Variants in ZMAT4 observed in about 807,000 individuals in gnomAD.
ZMAT4 encodes the protein zinc finger matrin-type protein 4.
In ZMAT4, 17 loss-of-function variants were observed where a neutral mutation model predicts 28.7. The ratio of observed to expected loss-of-function variants is 0.59; its 90% confidence interval spans 0.41 to 0.89. ZMAT4 has a LOEUF of 0.89. Ranked by LOEUF, ZMAT4 falls within the 40% of genes least tolerant of loss-of-function variation. ZMAT4 has a pLI of 0.00. For missense variants in ZMAT4, 240 were observed against 283.8 expected (o/e 0.85, Z 1.11); for synonymous variants, 117 against 109.2 (o/e 1.07, Z -0.44).
At chr8:40,779,776 C>T (rs755508610) in intron 2 of ZMAT4, among the ~76,000 whole-genome samples, 4 of 152,144 alleles carry the variant, frequency 2.6e-5, no homozygotes, top group Non-Finnish European at 4.4e-5. Context: ...GGCTGCCAAG[C>T]CCAGATTGGC....
intron 5 of ZMAT4, among the ~76,000 whole-genome samples, chr8:40,610,949 T>TG (rs1397635543): frequency 6.9e-6 from 1 of 144,094 alleles, no homozygotes; most frequent in African/African-American, 2.7e-5. Flanking sequence ...TTTTTTTTTT[T>TG]TGGTTTGTCT....
intron 5 of ZMAT4, among the ~76,000 whole-genome samples, chr8:40,598,890 C>T (rs902793682): frequency 1.1e-4 from 16 of 152,218 alleles, no homozygotes; most frequent in Middle Eastern, 3.4e-3. Context: ...TCAGCCAGTA[C>T]GAATGTCTGC....
At chr8:40,590,897 T>C (rs370371260) in intron 5 of ZMAT4, among the ~76,000 whole-genome samples, 1 of 152,302 alleles carries the variant, frequency 6.6e-6, no homozygotes, top group East Asian at 1.9e-4. Context: ...CAATGAGTTC[T>C]ACCTATTCCT....
At chr8:40,645,855 A>G (rs1010769432) in intron 5 of ZMAT4, among the ~76,000 whole-genome samples, 2 of 152,158 alleles carry the variant, frequency 1.3e-5, no homozygotes, top group African/African-American at 4.8e-5. Flanking sequence ...GTATATAACC[A>G]TATACAGTAA....
intron 6 of ZMAT4, among the ~76,000 whole-genome samples, chr8:40,580,958 A>G (rs2118543558): frequency 6.6e-6 from 1 of 152,322 alleles, no homozygotes; most frequent in African/African-American, 2.4e-5. Context: ...TCCTTGAAAA[A>G]ATGAAAAAAA....
intron 6 of ZMAT4, among the ~76,000 whole-genome samples, chr8:40,539,233 G>A (rs1307744330): frequency 6.6e-6 from 1 of 152,132 alleles, no homozygotes; most frequent in Non-Finnish European, 1.5e-5. Context: ...ACACATTAAA[G>A]GCCTGACACA....
intron 3 of ZMAT4, among the ~76,000 whole-genome samples, chr8:40,730,583 G>A (rs1235975311): frequency 3.3e-5 from 5 of 152,056 alleles, no homozygotes; most frequent in South Asian, 2.1e-4. Context: ...GGTTCTTAAG[G>A]TGTTCCCAAC....
intron 1 of ZMAT4, among the ~76,000 whole-genome samples, chr8:40,832,527 G>C (rs1304482460): frequency 6.6e-6 from 1 of 152,132 alleles, no homozygotes; most frequent in African/African-American, 2.4e-5. Context: ...TCCACCAGAT[G>C]ATGCCCCCTG....
intron 3 of ZMAT4, among the ~76,000 whole-genome samples, chr8:40,765,127 C>T (rs903646200): frequency 6.6e-6 from 1 of 152,146 alleles, no homozygotes; most frequent in Non-Finnish European, 1.5e-5. Flanking sequence ...CCACTGCACC[C>T]ACTCACCCAG....
intron 1 of ZMAT4, among the ~76,000 whole-genome samples, chr8:40,868,989 G>T (rs1238987258): frequency 6.6e-6 from 1 of 152,182 alleles, no homozygotes; most frequent in African/African-American, 2.4e-5. Flanking sequence ...GTCCTGCAGG[G>T]ATGGGCTGCA....
intron 6 of ZMAT4, among the ~76,000 whole-genome samples, chr8:40,564,113 C>T (rs751739696): frequency 1.1e-4 from 17 of 152,052 alleles, no homozygotes; most frequent in African/African-American, 1.7e-4. Flanking sequence ...AGAGAAAATA[C>T]GTGAATGAGG....
At chr8:40,841,730 A>C (rs1300286014) in intron 1 of ZMAT4, among the ~76,000 whole-genome samples, 2 of 152,208 alleles carry the variant, frequency 1.3e-5, no homozygotes, top group African/African-American at 4.8e-5. Context: ...ATAATAATAA[A>C]CTGATAAAAT....
intron 3 of ZMAT4, among the ~76,000 whole-genome samples, chr8:40,753,900 G>A (rs1179500075): frequency 2.0e-5 from 3 of 152,210 alleles, no homozygotes; most frequent in Admixed American, 2.0e-4. Flanking sequence ...ACATTAAATA[G>A]GTTTAGGCTG....
intron 5 of ZMAT4, among the ~76,000 whole-genome samples, chr8:40,647,487 C>T (rs993495645): frequency 1.1e-4 from 16 of 150,990 alleles, no homozygotes; most frequent in Admixed American, 5.9e-4. Context: ...AAGGTGGCAG[C>T]GAGGCTGGGG....
At chr8:40,587,105 G>A (rs1804694788) in intron 5 of ZMAT4, among the ~76,000 whole-genome samples, 1 of 146,756 alleles carries the variant, frequency 6.8e-6, no homozygotes, top group African/African-American at 2.5e-5. Context: ...GGAACAAAAA[G>A]TGATAAAAGA....
intron 6 of ZMAT4, among the ~76,000 whole-genome samples, chr8:40,537,762 G>A (rs1229190967): frequency 6.6e-6 from 1 of 152,114 alleles, no homozygotes; most frequent in Non-Finnish European, 1.5e-5. Context: ...TAGGGAGGTC[G>A]AACATCATCA....
chr8:40,825,623 C>A lies in ZMAT4; in HGVS notation c.54G>T (p.Val18=), dbSNP rs1051434865. ...ATTCGGAGATCAGCTGTGCACTGCACACCTTGCAGTAACTGTCTGTGAATA... is the reference window on the plus strand; with the variant it reads ...ATTCGGAGATCAGCTGTGCACTGCAAACCTTGCAGTAACTGTCTGTGAATA... ...QDLFTDSYCK[V]CSAQLISESQ... Residue 18 remains valine (V), a synonymous_variant, in exon 2 of 7, where the codon GTG becomes GTT. Transcript: ENST00000297737. 8 of 1,555,434 alleles carry A rather than the reference C, an allele frequency of 5.1e-6. No individual in the cohort carries two copies. Among genetic ancestry groups the A allele is most frequent in the Non-Finnish European group, 7.0e-6 (8 of 1,148,514 alleles).
chr8:40,586,349 C>G (rs1804671594), intron 5 of ZMAT4, among the ~76,000 whole-genome samples: 1 of 152,184 alleles, frequency 6.6e-6, no homozygotes, highest in South Asian at 2.1e-4. Context: ...GACCTAAAGG[C>G]TATTTCTGCA....
At chr8:40,646,707 A>C (rs1217852602) in intron 5 of ZMAT4, among the ~76,000 whole-genome samples, 1 of 152,238 alleles carries the variant, frequency 6.6e-6, no homozygotes, top group African/African-American at 2.4e-5. Flanking sequence ...TACATAAAGC[A>C]AAAGCTGATA....
Sources: gnomAD v4.1 joint callset for allele counts (sites outside exome capture counted in the v4.1 genomes callset) on GRCh38, gnomAD v4.1.1 for gene constraint, MANE v1.5 for transcripts, NCBI Gene and HGNC (gene_info 2026-07-23, HGNC 2026-07-21) for gene names.